The following THBS1 variants were observed in gnomAD, a reference collection of about 807,000 sequenced individuals.
The protein encoded by THBS1 is thrombospondin 1.
Under a neutral mutation model 126.1 loss-of-function variants are expected in THBS1, and 29 were observed. The ratio of observed to expected loss-of-function variants is 0.23; its 90% CI spans 0.17 to 0.31. The LOEUF (loss-of-function observed/expected upper bound fraction) is 0.31. Ranked by LOEUF, THBS1 falls within the 10% of genes least tolerant of loss-of-function variation. The pLI, the probability that THBS1 is intolerant of heterozygous loss-of-function variation, is 1.00. For synonymous variants in THBS1, 496 were observed against 577.8 expected (o/e 0.86, Z 2.03); for missense variants, 1,198 against 1,545.2 (o/e 0.78, Z 3.77).
At position 39,595,443 on chromosome 15, in the gene THBS1, GA is replaced by G; in HGVS notation, c.*78del. On this transcript the variant is annotated 3_prime_UTR_variant, in exon 22 of 22. Coordinates refer to ENST00000260356, the MANE Select transcript of THBS1 (RefSeq NM_003246.4). ...GCACCTTCTGGAACTATGGGCTTGA[GA>G]AAACCCCCAGGATCACTTCTCCTTG... 1.4e-6 allele frequency: 2 copies of G among 1,476,156 alleles called. No individual in the cohort carries two copies. Among genetic ancestry groups the G allele is most frequent in the Non-Finnish European group, 9.0e-7 (1 of 1,110,794 alleles). 91.4% of individuals were successfully genotyped at this position (1,476,156 alleles called of 1,614,324 possible).
chr15:39,584,219 T>C, intron 5 of THBS1, 32 bp downstream of exon 5: 1 of 1,614,000 alleles, frequency 6.2e-7, no homozygotes, highest in Non-Finnish European at 8.5e-7. Flanking sequence ...CCCGTTAGCA[T>C]GAACCCTGGA....
chr15:39,592,195 CCTT>C lies in THBS1; in HGVS notation c.2533-370_2533-368del, dbSNP rs1362371203. ...CGTGTCAACAGTTTTACAACTGAAA[CCTT>C]CTAAGGAAATTCTCTGTTATAAAGT... On this transcript the variant is annotated intron_variant, in intron 16 of 21. Transcript: ENST00000260356. This position sits in a 1 kb window ranked among gnomAD's most constrained non-coding sequence, Gnocchi z 4.3. Among the ~76,000 whole-genome samples, 3 of 152,134 alleles carry C rather than the reference CCTT, an allele frequency of 2.0e-5. No individual in the cohort carries two copies. The highest frequency in any genetic ancestry group is 4.4e-5 in the Non-Finnish European group (3 of 68,028).
intron 6 of THBS1, among the ~76,000 whole-genome samples, chr15:39,584,843 G>A (rs1311833142): frequency 6.6e-6 from 1 of 152,176 alleles, no homozygotes; most frequent in African/African-American, 2.4e-5. Context: ...CTGTTAGGAT[G>A]TTACTGTCTG....
At position 39,592,633 on chromosome 15, in the gene THBS1, C is replaced by A. The variant is rs1890349134; in HGVS notation, c.2598C>A (p.Gly866=). Residue 866 remains glycine, a synonymous_variant, in exon 17 of 22, where the codon GGC becomes GGA. Transcript: ENST00000260356. This position sits in a 1 kb window ranked among gnomAD's most constrained non-coding sequence, Gnocchi z 4.3. ...CDNNQDIDED[G]HQNNLDNCPY... ...ACAATCAGGATATTGATGAAGATGG[C>A]CACCAGAACAATCTGGACAACTGTC... 1 of 1,613,972 alleles carries A rather than the reference C, an allele frequency of 6.2e-7. No individual in the cohort carries two copies. Among genetic ancestry groups the A allele is most frequent in the Admixed American group, 1.7e-5 (1 of 59,994 alleles).
chr15:39,595,268 C>G, intron 21 of THBS1, 94 bp from the exon 22 acceptor site: 3 of 780,302 alleles, frequency 3.8e-6, no homozygotes, highest in African/African-American at 1.8e-5. Flanking sequence ...AAAAGTAGAG[C>G]TATTCCTATG....
At position 39,591,587 on chromosome 15, in the gene THBS1, G is replaced by T. The variant is rs779608223; in HGVS notation, c.2496G>T (p.Gln832His). ...RDTDMDGVGD[Q>H]CDNCPLEHNP... is the part of the protein sequence containing the mutation. ...CTGATATGGATGGGGTTGGAGATCA[G>T]TGTGACAATTGCCCCTTGGAACACA... Residue 832 changes from glutamine to histidine, a missense_variant, in exon 16 of 22, where the codon CAG becomes CAT. This residue lies in a region of THBS1 where 663 missense variants were observed against 860.1 expected (regional missense o/e 0.77). Coordinates refer to ENST00000260356, the MANE Select transcript of THBS1 (RefSeq NM_003246.4). The T allele has an allele frequency of 1.2e-6, 2 of 1,614,122 alleles. No homozygotes were observed. Among genetic ancestry groups the T allele is most frequent in the South Asian group, 1.1e-5 (1 of 91,086 alleles).
chr15:39,587,955 GA>G, intron 8 of THBS1, 86 bp from the exon 9 acceptor site: 1 of 1,370,304 alleles, frequency 7.3e-7, no homozygotes. Flanking sequence ...CCATTTCCTG[GA>G]AATACTTCTG....
At position 39,597,280 on chromosome 15, in the gene THBS1, G is replaced by GTTTTTTTTTTTTTTT; in HGVS notation, c.*1918_*1932dup. ...GTTGGTTTTTTCTTTTTTTTGTTTT[G>GTTTTTTTTTTTTTTT]TTTTTTTTTTTTTTTTTTTTTGCTT... On this transcript the variant is annotated 3_prime_UTR_variant, in exon 22 of 22. Coordinates refer to ENST00000260356, the MANE Select transcript of THBS1 (RefSeq NM_003246.4). 1.7e-4 allele frequency: 8 copies of GTTTTTTTTTTTTTTT among 48,054 alleles called. No individual in the cohort carries two copies. The highest frequency in any genetic ancestry group is 6.9e-4 in the East Asian group (1 of 1,440). The allele number at this position is 48,054 out of a possible 1,614,324, so 3.0% of individuals were successfully genotyped here.
chr15:39,588,182 CG>C lies in THBS1; in HGVS notation c.1438del (p.Glu480ArgfsTer56), dbSNP rs745374079. 6.2e-7 allele frequency: 1 copy of C among 1,614,114 alleles called. No homozygotes were observed. On this transcript the variant is annotated frameshift_variant, in exon 9 of 22. Coordinates refer to ENST00000260356, the MANE Select transcript of THBS1 (RefSeq NM_003246.4). LOFTEE classifies it high-confidence loss of function. The stretch of plus-strand genomic sequence containing the variant: ...CGGGAAACCCTGTGAAGGCGAAGCG[CG>C]GGAGACCAAAGCCTGCAAGAAAGAC... ...MNGKPCEGEA[R>X]ETKACKKDAC...
In THBS1 at chr15:39,586,118, T is replaced by G. The variant is rs554833448; in HGVS notation, c.1120+555T>G. ...TTGTTACCAGTAAAATGAATGACTTTGCTGAGACAATACTTAGTGTAGCAG... is the reference window on the plus strand; with the variant it reads ...TTGTTACCAGTAAAATGAATGACTTGGCTGAGACAATACTTAGTGTAGCAG... On this transcript the variant is annotated intron_variant, in intron 7 of 21. Coordinates refer to ENST00000260356, the MANE Select transcript of THBS1 (RefSeq NM_003246.4). 1.1e-3 allele frequency among the ~76,000 whole-genome samples: 171 copies of G among 152,334 alleles called. 2 individuals carry two copies. Among genetic ancestry groups the G allele is most frequent in the Non-Finnish European group, 1.8e-3 (120 of 68,022 alleles).
chr15:39,584,739 T>C (rs1890179005), intron 6 of THBS1, among the ~76,000 whole-genome samples: 1 of 124,074 alleles, frequency 8.1e-6, no homozygotes, highest in Non-Finnish European at 1.6e-5. Context: ...GGTTGGAACA[T>C]TCATTTTTTT....
In THBS1 at chr15:39,593,445, A is replaced by G; in HGVS notation, c.3044A>G (p.Asn1015Ser). 6.2e-7 allele frequency: 1 copy of G among 1,614,120 alleles called. No individual in the cohort carries two copies. The highest frequency in any genetic ancestry group is 1.1e-5 in the South Asian group (1 of 91,072). The change falls in exon 19 of 22, where the codon AAC (asparagine) becomes AGC (serine). Residue 1015 changes from asparagine (N) to serine (S), a missense_variant. Asn to Ser is a conservative substitution (Grantham distance 46, BLOSUM62 1). Transcript: ENST00000260356. This position sits in a 1 kb window ranked among gnomAD's most constrained non-coding sequence, Gnocchi z 5.9. ...GACTTCAGTGGCACCTTCTTCATCA[A>G]CACCGAAAGGGACGATGACTATGCT... ...AVDFSGTFFI[N>S]TERDDDYAGF...
chr15:39,589,911 G>A lies in THBS1; in HGVS notation c.2033G>A (p.Cys678Tyr). Reference sequence around the variant, plus strand: ...AGCGACCCCATGTACCGCTGCGAGTGCAAGCCTGGCTACGCTGGCAATGGC... The same window carrying A: ...AGCGACCCCATGTACCGCTGCGAGTACAAGCCTGGCTACGCTGGCAATGGC... ...HYSDPMYRCECKPGYAGNGII... is the reference protein window; with the variant it reads ...HYSDPMYRCEYKPGYAGNGII... The change falls in exon 13 of 22, where the codon TGC becomes TAC. Residue 678 changes from cysteine (C) to tyrosine (Y), a missense_variant. Cys to Tyr is a radical substitution (Grantham distance 194). Coordinates refer to ENST00000260356, the MANE Select transcript of THBS1 (RefSeq NM_003246.4). The surrounding 1 kb of genome is among the most constrained non-coding windows in gnomAD (Gnocchi z 4.7). 1 of 1,614,194 alleles carries A rather than the reference G, an allele frequency of 6.2e-7. No homozygotes were observed. The highest frequency in any genetic ancestry group is 8.5e-7 in the Non-Finnish European group (1 of 1,180,028).
In THBS1 at chr15:39,593,047, G is replaced by C. The variant is rs1314559317; in HGVS notation, c.2815G>C (p.Val939Leu). 1.9e-6 allele frequency: 3 copies of C among 1,610,256 alleles called. No homozygotes were observed. Among genetic ancestry groups the C allele is most frequent in the Non-Finnish European group, 2.5e-6 (3 of 1,178,448 alleles). Residue 939 changes from valine (V) to leucine (L), a missense_variant, in exon 18 of 22, where the codon GTG becomes CTG. By Grantham distance (32) the Val-to-Leu change is conservative. This residue lies in a region of THBS1 where 255 missense variants were observed against 373.9 expected (regional missense o/e 0.68). Coordinates refer to ENST00000260356, the MANE Select transcript of THBS1 (RefSeq NM_003246.4). This position sits in a 1 kb window ranked among gnomAD's most constrained non-coding sequence, Gnocchi z 5.9. ...CAAAGATGATTTTGACCATGACAGT[G>C]TGCCAGACATCGATGACATCTGTCC... ...ACKDDFDHDS[V>L]PDIDDICPEN...
At chr15:39,595,170 C>G (rs1170543090) in intron 21 of THBS1, among the ~76,000 whole-genome samples, 192 bp from the exon 22 acceptor site, 2 of 152,200 alleles carry the variant, frequency 1.3e-5, no homozygotes, top group African/African-American at 4.8e-5. Context: ...AAGGTTCACG[C>G]TGTGTCGGTC....
chr15:39,595,946 T>A lies in THBS1; in HGVS notation c.*577T>A, dbSNP rs187798607. 5.0e-4 allele frequency: 221 copies of A among 443,002 alleles called. 2 individuals are homozygous for A. In the Admixed American group the frequency reaches 5.2e-3, roughly 10 times the overall value. The allele number at this position is 443,002 out of a possible 1,614,324, so 27.4% of individuals were successfully genotyped here. ...AGACTATTGCTGGATTTCATGATGC[T>A]GACTGGCGTTAGCTGATTAACCCAT... On this transcript the variant is annotated 3_prime_UTR_variant, in exon 22 of 22. Transcript: ENST00000260356.
chr15:39,581,784 G>C, intron 1 of THBS1, 45 bp from the exon 2 acceptor site: 1 of 1,346,090 alleles, frequency 7.4e-7, no homozygotes. Flanking sequence ...GTCCCTCCCT[G>C]CCTAGCTGAT....
rs763656967 is a variant in THBS1 at position 39,589,386 on chromosome 15, C to T, written c.1926+32C>T. On this transcript the variant is annotated intron_variant, in intron 12 of 21. Coordinates refer to ENST00000260356, the MANE Select transcript of THBS1 (RefSeq NM_003246.4). This position sits in a 1 kb window ranked among gnomAD's most constrained non-coding sequence, Gnocchi z 4.7. ...TCAACTAGACGAGTAAACCAGAGGA[C>T]AGGAGAGCTGTCCTTGACCAAAATA... 102 of 1,611,546 alleles carry T rather than the reference C, an allele frequency of 6.3e-5. No homozygotes were observed. Among genetic ancestry groups the T allele is most frequent in the Non-Finnish European group, 1.7e-6 (2 of 1,179,108 alleles).
At position 39,593,631 on chromosome 15, in the gene THBS1, G is replaced by A. The variant is rs764234776; in HGVS notation, c.3230G>A (p.Arg1077Gln). 4 of 1,614,002 alleles carry A rather than the reference G, an allele frequency of 2.5e-6. No individual in the cohort carries two copies. The highest frequency in any genetic ancestry group is 3.4e-6 in the Non-Finnish European group (4 of 1,180,030). The change falls in exon 19 of 22, where the codon CGG becomes CAG. Residue 1077 changes from arginine (R) to glutamine (Q), a missense_variant. Coordinates refer to ENST00000260356, the MANE Select transcript of THBS1 (RefSeq NM_003246.4). This position sits in a 1 kb window ranked among gnomAD's most constrained non-coding sequence, Gnocchi z 5.9. ...NSTTGPGEHL[R>Q]NALWHTGNTP... is the part of the protein sequence containing the mutation. ...ACCACAGGGCCTGGCGAGCACCTGC[G>A]GAACGCCCTGTGGCACACAGGAAAC...
Sources: allele counts gnomAD v4.1 joint callset (sites outside exome capture counted in the v4.1 genomes callset), GRCh38; gene constraint gnomAD v4.1.1; regional missense constraint gnomAD v4.1.1; non-coding constraint Gnocchi (gnomAD v3.1); transcripts MANE v1.5; gene names NCBI Gene and HGNC (gene_info 2026-07-23, HGNC 2026-07-21).